The following CYRIB variants were observed in gnomAD, a reference collection of about 807,000 sequenced individuals.
The protein encoded by CYRIB is CYFIP-related Rac1 interactor B.
Under a neutral mutation model 44.2 loss-of-function variants are expected in CYRIB, and 8 were observed. That is an observed-to-expected ratio of 0.18 (90% CI 0.11 to 0.33). The LOEUF is 0.33. Among genes scored for constraint, CYRIB ranks in the 10% least tolerant of loss-of-function variants. The probability of loss-of-function intolerance (pLI) is 1.00; values close to 1 mark genes in which losing one functional copy is unlikely to be tolerated. For missense variants in CYRIB, 185 were observed against 382.8 expected (o/e 0.48, Z 4.31); for synonymous variants, 131 against 127.2 (o/e 1.03, Z -0.20).
chr8:129,854,295 A>G (rs1239049105), exon 7 of CYRIB: 4 of 1,611,036 alleles, frequency 2.5e-6, no homozygotes, highest in Non-Finnish European at 3.4e-6. Context: ...ATACGACTCA[A>G]TGTTCTTCTA....
intron 1 of CYRIB, among the ~76,000 whole-genome samples, chr8:129,933,229 C>T (rs1304646757): frequency 6.6e-6 from 1 of 152,158 alleles, no homozygotes; most frequent in East Asian, 1.9e-4. Context: ...TGCTCTCTCC[C>T]CCTCCACACT....
At chr8:129,995,269 G>A (rs1248318173) in intron 1 of CYRIB, among the ~76,000 whole-genome samples, 1 of 152,130 alleles carries the variant, frequency 6.6e-6, no homozygotes, top group Non-Finnish European at 1.5e-5. Flanking sequence ...GTGAGGGAGA[G>A]GCCTCTGCAT....
chr8:129,913,350 A>C (rs1004319014), intron 1 of CYRIB, among the ~76,000 whole-genome samples: 1 of 152,220 alleles, frequency 6.6e-6, no homozygotes, highest in Non-Finnish European at 1.5e-5. Context: ...TTGTAATTAC[A>C]GTAAAAGCTT....
chr8:129,934,384 A>G (rs2138686547), intron 1 of CYRIB, among the ~76,000 whole-genome samples: 1 of 152,328 alleles, frequency 6.6e-6, no homozygotes, highest in East Asian at 1.9e-4. Flanking sequence ...TCTCAACTTT[A>G]CATGAAAAAG....
chr8:129,895,437 T>TTTTTTTTTTTTTTTTTTTTTTGAGAC (rs1357606703), intron 2 of CYRIB, among the ~76,000 whole-genome samples: 1 of 151,064 alleles, frequency 6.6e-6, no homozygotes, highest in Non-Finnish European at 1.5e-5. Flanking sequence ...TTTTTCTTCA[T>TTTTTTTTTTTTTTTTTTTTTTGAGAC]GGTCTGTGCT....
intron 2 of CYRIB, among the ~76,000 whole-genome samples, chr8:129,947,200 G>A (rs2094208303): frequency 6.6e-6 from 1 of 152,018 alleles, no homozygotes; most frequent in Non-Finnish European, 1.5e-5. Flanking sequence ...TGGGACTACA[G>A]GCACATGCCA....
chr8:129,863,948 G>C (rs1260356100), intron 4 of CYRIB, among the ~76,000 whole-genome samples: 2 of 152,104 alleles, frequency 1.3e-5, no homozygotes, highest in Non-Finnish European at 2.9e-5. Context: ...ACTACCAAGA[G>C]GTTATATGAC....
intron 1 of CYRIB, among the ~76,000 whole-genome samples, chr8:130,004,752 T>C (rs369634760): frequency 2.0e-5 from 3 of 151,372 alleles, no homozygotes; most frequent in Non-Finnish European, 2.9e-5. Flanking sequence ...ACTCGGGAGA[T>C]TGTCAGGAAT....
At chr8:129,846,440 A>G (rs111528179) in intron 11 of CYRIB, among the ~76,000 whole-genome samples, 16 of 152,352 alleles carry the variant, frequency 1.1e-4, no homozygotes, top group African/African-American at 3.8e-4. Flanking sequence ...AAATGGTGAG[A>G]TTACATTATT....
intron 1 of CYRIB, among the ~76,000 whole-genome samples, chr8:129,917,576 G>C (rs1207932038): frequency 6.6e-6 from 1 of 152,064 alleles, no homozygotes; most frequent in African/African-American, 2.4e-5. Context: ...TAAATATCTT[G>C]GCCAGGTGCA....
At chr8:129,910,988 C>T (rs2077710402) in intron 1 of CYRIB, among the ~76,000 whole-genome samples, 1 of 152,192 alleles carries the variant, frequency 6.6e-6, no homozygotes, top group Non-Finnish European at 1.5e-5. Flanking sequence ...ACTACTGAGG[C>T]CAGCTATTTT....
At chr8:129,965,280 C>A (rs2095428628) in intron 2 of CYRIB, among the ~76,000 whole-genome samples, 1 of 132,776 alleles carries the variant, frequency 7.5e-6, no homozygotes, top group African/African-American at 3.0e-5. Context: ...GTGTGTGTGT[C>A]CTTCCAGCAA....
intron 2 of CYRIB, among the ~76,000 whole-genome samples, chr8:129,958,000 T>C (rs2094968583): frequency 6.7e-6 from 1 of 150,208 alleles, no homozygotes; most frequent in Non-Finnish European, 1.5e-5. Flanking sequence ...ATACAAAAAA[T>C]TAGCCAAGCT....
intron 3 of CYRIB, among the ~76,000 whole-genome samples, chr8:129,875,265 A>G (rs111608907): frequency 0.018 from 2,690 of 151,304 alleles, 93 homozygotes; most frequent in African/African-American, 0.061. Context: ...GCCCCCATTC[A>G]GTGCTTTTTT....
intron 2 of CYRIB, among the ~76,000 whole-genome samples, chr8:129,961,001 A>G (rs1310224991): frequency 1.3e-5 from 2 of 152,002 alleles, no homozygotes; most frequent in East Asian, 1.9e-4. Context: ...AAACTTACCA[A>G]TCACCTCACA....
At chr8:129,928,605 A>C (rs2089441102) in intron 1 of CYRIB, among the ~76,000 whole-genome samples, 1 of 151,884 alleles carries the variant, frequency 6.6e-6, no homozygotes, top group South Asian at 2.1e-4. Flanking sequence ...GGCTGCAGTA[A>C]GGTGTGATTA....
chr8:129,928,090 A>G (rs535192164), intron 1 of CYRIB, among the ~76,000 whole-genome samples: 2 of 152,098 alleles, frequency 1.3e-5, no homozygotes, highest in Admixed American at 1.3e-4. Flanking sequence ...AAGATTTCTT[A>G]GATATGACAC....
chr8:129,968,491 A>C lies in CYRIB; in HGVS notation c.-243+2452T>G, dbSNP rs181045456. Among the ~76,000 whole-genome samples the C allele has an allele frequency of 2.2e-4, 34 of 152,232 alleles. No individual in the cohort carries two copies. The East Asian group carries it at 6.2e-3, about 28-fold the overall frequency. On this transcript the variant is annotated intron_variant, in intron 2 of 14. Transcript: ENST00000401979. Reference sequence around the variant, plus strand: ...TTTATAGTCTCTTATAAATGGTTTTATTATTTCCAACTTGGAATGGTTTCC... The same window carrying C: ...TTTATAGTCTCTTATAAATGGTTTTCTTATTTCCAACTTGGAATGGTTTCC...
At chr8:129,936,346 T>C (rs1177435052) in intron 1 of CYRIB, among the ~76,000 whole-genome samples, 1 of 152,186 alleles carries the variant, frequency 6.6e-6, no homozygotes, top group South Asian at 2.1e-4. Context: ...AGAAATTAAA[T>C]AGAAGTTAAC....
Sources: allele counts gnomAD v4.1 joint callset (sites outside exome capture counted in the v4.1 genomes callset), GRCh38; gene constraint gnomAD v4.1.1; transcripts MANE v1.5; gene names NCBI Gene and HGNC (gene_info 2026-07-23, HGNC 2026-07-21).